The following XKR9 variants were observed in gnomAD, a reference collection of about 807,000 sequenced individuals.
The protein encoded by XKR9 is XK-related protein 9.
A neutral mutation model predicts 32.0 loss-of-function variants in XKR9; 32 were observed. The ratio of observed to expected loss-of-function variants is 1.00; its 90% CI spans 0.76 to 1.34. The LOEUF (loss-of-function observed/expected upper bound fraction) is 1.34. Ranked by LOEUF, XKR9 falls within the 40% of genes most tolerant of loss-of-function variation. The pLI is 0.00. For synonymous variants in XKR9, 168 were observed against 143.4 expected (o/e 1.17, Z -1.22); for missense variants, 546 against 429.7 (o/e 1.27, Z -2.39).
At chr8:70,906,057 GT>G in the XKR9 span, among the ~76,000 whole-genome samples, 1 of 152,218 alleles carries the variant, frequency 6.6e-6, no homozygotes, top group Non-Finnish European at 1.5e-5. Context: ...GCATCTCCCA[GT>G]TAGGCTACTC....
the XKR9 span, among the ~76,000 whole-genome samples, chr8:70,902,462 C>A: frequency 7.2e-5 from 11 of 152,076 alleles, no homozygotes; most frequent in African/African-American, 1.2e-4. Flanking sequence ...TTTGTCTGTT[C>A]TTGGTGTATA....
chr8:70,700,848 C>G (rs1805500309), intron 3 of XKR9, among the ~76,000 whole-genome samples: 1 of 152,236 alleles, frequency 6.6e-6, no homozygotes, highest in South Asian at 2.1e-4. Flanking sequence ...GCAGTTTGAG[C>G]TTCCCAGCTG....
intron 2 of XKR9, among the ~76,000 whole-genome samples, chr8:70,759,863 A>G (rs1025116261): frequency 6.6e-6 from 1 of 152,198 alleles, no homozygotes; most frequent in African/African-American, 2.4e-5. Context: ...CTTAACTTTC[A>G]ACAAAGAATT....
chr8:70,854,402 A>C, the XKR9 span, among the ~76,000 whole-genome samples: 3 of 152,006 alleles, frequency 2.0e-5, no homozygotes, highest in Non-Finnish European at 4.4e-5. Flanking sequence ...GTTTGAGTTC[A>C]TTGTAGATTC....
At chr8:70,897,023 A>G in the XKR9 span, among the ~76,000 whole-genome samples, 1 of 151,618 alleles carries the variant, frequency 6.6e-6, no homozygotes, top group Non-Finnish European at 1.5e-5. Context: ...CTTCTTCTTC[A>G]CCCCATTCCC....
chr8:70,673,095 G>A (rs1419095905), intron 1 of XKR9, among the ~76,000 whole-genome samples: 1 of 151,998 alleles, frequency 6.6e-6, no homozygotes, highest in Non-Finnish European at 1.5e-5. Context: ...TTTTATTTTA[G>A]TCGTATGTGC....
chr8:70,851,359 A>T, the XKR9 span, among the ~76,000 whole-genome samples: 1 of 152,248 alleles, frequency 6.6e-6, no homozygotes, highest in Non-Finnish European at 1.5e-5. Context: ...CATACTGCCC[A>T]AAATAATTTA....
the XKR9 span, among the ~76,000 whole-genome samples, chr8:71,006,306 T>C: frequency 6.0e-5 from 9 of 149,942 alleles, no homozygotes; most frequent in African/African-American, 1.7e-4. Context: ...TCATAAACTT[T>C]CTTAAAACAT....
At chr8:70,848,703 A>G in the XKR9 span, among the ~76,000 whole-genome samples, 1 of 151,768 alleles carries the variant, frequency 6.6e-6, no homozygotes, top group Non-Finnish European at 1.5e-5. Context: ...TCTCACATGC[A>G]AAGACACATG....
intron 3 of XKR9, among the ~76,000 whole-genome samples, chr8:70,700,814 T>G (rs1805498014): frequency 1.3e-5 from 2 of 152,218 alleles, no homozygotes; most frequent in Admixed American, 1.3e-4. Flanking sequence ...CAGGCAGGCC[T>G]CCTTGAGCTG....
At position 70,680,971 on chromosome 8, in the gene XKR9, C is replaced by T; in HGVS notation, c.-88C>T. 1 of 1,285,526 alleles carries T rather than the reference C, an allele frequency of 7.8e-7. No homozygotes were observed. Among genetic ancestry groups the T allele is most frequent in the Non-Finnish European group, 1.1e-6 (1 of 933,874 alleles). 79.6% of individuals were successfully genotyped at this position (1,285,526 alleles called of 1,614,324 possible). A position where few individuals can be genotyped will look rare whatever the true frequency, so the allele number is the denominator to read the frequency against. On this transcript the variant is annotated 5_prime_UTR_variant, in exon 3 of 5. Transcript: ENST00000408926. Reference sequence around the variant, plus strand: ...GTAGAAATTAAAATTCAATGCTATACCAAAGGGTATACTAATATTTGTTTG... The same window carrying T: ...GTAGAAATTAAAATTCAATGCTATATCAAAGGGTATACTAATATTTGTTTG...
At chr8:71,061,862 T>A in the XKR9 span, among the ~76,000 whole-genome samples, 1 of 152,204 alleles carries the variant, frequency 6.6e-6, no homozygotes, top group South Asian at 2.1e-4. Flanking sequence ...CTAGTATATT[T>A]AGGGTGCTAT....
At chr8:70,975,787 T>C in the XKR9 span, among the ~76,000 whole-genome samples, 4 of 152,176 alleles carry the variant, frequency 2.6e-5, no homozygotes, top group Admixed American at 6.5e-5. Context: ...AGAAAGTCAT[T>C]GGTAGCTTGA....
chr8:70,997,024 G>A, the XKR9 span, among the ~76,000 whole-genome samples: 1 of 152,210 alleles, frequency 6.6e-6, no homozygotes, highest in African/African-American at 2.4e-5. Context: ...TGGGCCGGGT[G>A]CAGTGGCTCA....
chr8:71,017,572 A>G, the XKR9 span, among the ~76,000 whole-genome samples: 8 of 152,242 alleles, frequency 5.3e-5, no homozygotes, highest in African/African-American at 1.9e-4. Flanking sequence ...TTCAGAATGC[A>G]TTCTCAACTC....
the XKR9 span, among the ~76,000 whole-genome samples, chr8:70,912,987 T>C: frequency 2.0e-5 from 3 of 152,154 alleles, no homozygotes; most frequent in Non-Finnish European, 4.4e-5. Flanking sequence ...TGATGCAGAC[T>C]AGTGGAAAGT....
chr8:70,698,359 T>C (rs1172003775), intron 3 of XKR9, among the ~76,000 whole-genome samples: 1 of 152,184 alleles, frequency 6.6e-6, no homozygotes, highest in African/African-American at 2.4e-5. Context: ...GCTTTGAATG[T>C]GTCCCAGAGA....
At chr8:71,032,483 C>T in the XKR9 span, among the ~76,000 whole-genome samples, 4 of 152,006 alleles carry the variant, frequency 2.6e-5, no homozygotes, top group Middle Eastern at 3.4e-3. Context: ...CTGACAGCTG[C>T]AGCAAACAGA....
chr8:70,995,280 C>T, the XKR9 span, among the ~76,000 whole-genome samples: 2 of 152,262 alleles, frequency 1.3e-5, no homozygotes, highest in Admixed American at 1.3e-4. Context: ...TGCCCATGTC[C>T]ACTTTTAGAA....
Sources: allele counts gnomAD v4.1 joint callset (sites outside exome capture counted in the v4.1 genomes callset), GRCh38; gene constraint gnomAD v4.1.1; transcripts MANE v1.5; gene names NCBI Gene and HGNC (gene_info 2026-07-23, HGNC 2026-07-21).